RASGRF1: variants seen among roughly 807,000 people sequenced by gnomAD.
The protein encoded by RASGRF1 is ras-specific guanine nucleotide-releasing factor 1.
Under a neutral mutation model 138.7 loss-of-function variants are expected in RASGRF1, and 40 were observed. The observed-to-expected ratio is 0.29, with a 90% CI of 0.22 to 0.38. The LOEUF (loss-of-function observed/expected upper bound fraction) is 0.38. Ranked by LOEUF, RASGRF1 falls within the 10% of genes least tolerant of loss-of-function variation. RASGRF1 has a pLI of 1.00. For synonymous variants in RASGRF1, 614 were observed against 663.2 expected, an observed-to-expected ratio of 0.93 and a Z score of 1.14; for missense variants, 1,108 against 1,650.4, an observed-to-expected ratio of 0.67 and a Z score of 5.69.
Position 78,973,365 on chromosome 15 carries a change from T to C in RASGRF1, c.3550A>G (p.Ile1184Val). ...LGMYLTDLAFIEEGTPNYTED... is the reference protein window; with the variant it reads ...LGMYLTDLAFVEEGTPNYTED... ...GTGTAATTGGGCGTCCCCTCCTCGATGAAGGCCAGGTCGGTGAGGTACATC... is the reference window on the plus strand; with the variant it reads ...GTGTAATTGGGCGTCCCCTCCTCGACGAAGGCCAGGTCGGTGAGGTACATC... Residue 1184 changes from isoleucine (I) to valine (V), a missense_variant, in exon 25 of 27, where the codon ATC becomes GTC. Ile to Val is a conservative substitution (Grantham distance 29, BLOSUM62 3). Around this residue, in one of 3 missense-constraint regions of RASGRF1, gnomAD observed 686 missense variants for 976.7 expected, o/e 0.70. Transcript: ENST00000558480. The surrounding 1 kb of genome is among the most constrained non-coding windows in gnomAD (Gnocchi z 4.9). 1 of 1,613,946 alleles carries C rather than the reference T, an allele frequency of 6.2e-7. No individual in the cohort carries two copies. The highest frequency in any genetic ancestry group is 8.5e-7 in the Non-Finnish European group (1 of 1,179,910).
chr15:78,979,031 G>A (rs1342310722), intron 24 of RASGRF1: 1 of 1,293,210 alleles, frequency 7.7e-7, no homozygotes, highest in East Asian at 5.5e-5. Context: ...GGCGGCGGCA[G>A]ACGAGGAAGC....
intron 8 of RASGRF1, among the ~76,000 whole-genome samples, chr15:79,029,866 G>T (rs1434029283): frequency 6.6e-6 from 1 of 152,158 alleles, no homozygotes; most frequent in Non-Finnish European, 1.5e-5. Context: ...AAGGGATCAG[G>T]GTCTTATGTC....
At chr15:79,044,813 T>A (rs2057337579) in intron 5 of RASGRF1, among the ~76,000 whole-genome samples, 1 of 152,218 alleles carries the variant, frequency 6.6e-6, no homozygotes, top group Non-Finnish European at 1.5e-5. Context: ...TCCATTCAGT[T>A]CTTTGAAGAT....
At chr15:79,056,117 A>G (rs1348843452) in intron 3 of RASGRF1, among the ~76,000 whole-genome samples, 1 of 152,138 alleles carries the variant, frequency 6.6e-6, no homozygotes, top group East Asian at 1.9e-4. Context: ...ACCAGGTAGG[A>G]TGCGTGGGGA....
chr15:79,018,008 C>A (rs543542545), intron 11 of RASGRF1, 102 bp from the exon 12 acceptor site: 3 of 1,424,148 alleles, frequency 2.1e-6, no homozygotes, highest in African/African-American at 1.5e-5. Context: ...GGAGGCTCTG[C>A]GTTGGTAAGG....
At chr15:78,969,112 A>G (rs74024494) in intron 26 of RASGRF1, among the ~76,000 whole-genome samples, 3,298 of 152,316 alleles carry the variant, frequency 0.022, 113 homozygotes, top group African/African-American at 0.075. Context: ...GAATAAACCT[A>G]CTATTTTAAA....
At position 79,004,108 on chromosome 15, in the gene RASGRF1, G is replaced by A; in HGVS notation, c.2143C>T (p.Pro715Ser). The A allele has an allele frequency of 6.2e-7, 1 of 1,613,596 alleles. No individual in the cohort carries two copies. The highest frequency in any genetic ancestry group is 8.5e-7 in the Non-Finnish European group (1 of 1,179,880). Reference sequence around the variant, plus strand: ...GAGGAGAACTTGCGGGTGGCGCGCGGGGACTTGGGGGGTTCACCGTACAGG... The same window carrying A: ...GAGGAGAACTTGCGGGTGGCGCGCGAGGACTTGGGGGGTTCACCGTACAGG... Reference protein sequence around the residue: ...KLLYGEPPKSPRATRKFSSPP... With the variant: ...KLLYGEPPKSSRATRKFSSPP... Residue 715 changes from proline to serine, a missense_variant, in exon 15 of 27, where the codon CCG (proline) becomes TCG (serine). Pro to Ser is a moderately conservative substitution (Grantham distance 74, BLOSUM62 -1). Coordinates refer to ENST00000558480, the MANE Select transcript of RASGRF1 (RefSeq NM_001145648.3).
chr15:78,998,953 TAAC>T (rs2056455350), intron 17 of RASGRF1, 128 bp from the exon 18 acceptor site: 2 of 681,392 alleles, frequency 2.9e-6, no homozygotes, highest in East Asian at 5.6e-5. Flanking sequence ...GGCAGGGGGA[TAAC>T]AACATGTTTA....
intron 5 of RASGRF1, among the ~76,000 whole-genome samples, chr15:79,041,084 A>ATAGCT (rs1376990149): frequency 1.3e-5 from 2 of 152,380 alleles, no homozygotes; most frequent in East Asian, 3.9e-4. Context: ...TTGGCAAAGT[A>ATAGCT]CAGCTCATGG....
At chr15:78,984,038 C>T (rs1244738506) in intron 23 of RASGRF1, among the ~76,000 whole-genome samples, 6 of 151,970 alleles carry the variant, frequency 3.9e-5, no homozygotes, top group East Asian at 3.9e-4. Context: ...ATGGACATGT[C>T]GTCTGCTTGG....
chr15:79,049,741 G>C (rs993403236), intron 3 of RASGRF1, among the ~76,000 whole-genome samples, 153 bp from the exon 4 acceptor site: 1 of 152,124 alleles, frequency 6.6e-6, no homozygotes, highest in African/African-American at 2.4e-5. Flanking sequence ...TTCTGACTCT[G>C]TGCATCCAGG....
chr15:79,032,344 G>T lies in RASGRF1; in HGVS notation c.959-28C>A, dbSNP rs2057152589. 1 of 1,608,162 alleles carries T rather than the reference G, an allele frequency of 6.2e-7. No homozygotes were observed. On this transcript the variant is annotated intron_variant, in intron 6 of 26. Coordinates refer to ENST00000558480, the MANE Select transcript of RASGRF1 (RefSeq NM_001145648.3). The surrounding 1 kb of genome is among the most constrained non-coding windows in gnomAD (Gnocchi z 4.5). ...GGAAGGACGAGGCAGTCAGCGGGTG[G>T]CTAGGGCAGCTTGGTGGGGACAGAA...
intron 23 of RASGRF1, among the ~76,000 whole-genome samples, chr15:78,982,801 C>T (rs1036447285): frequency 7.2e-5 from 11 of 152,182 alleles, no homozygotes; most frequent in African/African-American, 1.9e-4. Context: ...TAAAGTACAG[C>T]GATCCCCAGG....
At chr15:79,085,038 T>C (rs1387970923) in intron 1 of RASGRF1, among the ~76,000 whole-genome samples, 1 of 152,182 alleles carries the variant, frequency 6.6e-6, no homozygotes, top group African/African-American at 2.4e-5. Flanking sequence ...CTCCTGCCTC[T>C]GCCTGCCTCC....
chr15:79,023,592 G>A (rs972845564), intron 10 of RASGRF1, among the ~76,000 whole-genome samples: 1 of 152,206 alleles, frequency 6.6e-6, no homozygotes, highest in Non-Finnish European at 1.5e-5. Flanking sequence ...GAGGCTGTGT[G>A]GCTGAACAGA....
At chr15:79,076,170 T>C (rs1360544228) in intron 1 of RASGRF1, among the ~76,000 whole-genome samples, 1 of 152,212 alleles carries the variant, frequency 6.6e-6, no homozygotes, top group Non-Finnish European at 1.5e-5. Context: ...AATGATGTTC[T>C]GATTATCTTT....
intron 2 of RASGRF1, among the ~76,000 whole-genome samples, chr15:79,062,128 A>G (rs145529396): frequency 6.6e-6 from 1 of 152,320 alleles, no homozygotes; most frequent in East Asian, 1.9e-4. Context: ...CATTACCTTT[A>G]TAAACTTTTT....
chr15:79,047,077 C>A, intron 4 of RASGRF1, 78 bp from the exon 5 acceptor site: 2 of 1,544,938 alleles, frequency 1.3e-6, no homozygotes, highest in Non-Finnish European at 8.8e-7. Context: ...TGTGAGCTCC[C>A]CAAGGGTAGG....
At chr15:79,039,930 A>T (rs1323470158) in intron 5 of RASGRF1, among the ~76,000 whole-genome samples, 1 of 151,872 alleles carries the variant, frequency 6.6e-6, no homozygotes, top group African/African-American at 2.4e-5. Flanking sequence ...CCACCATGAC[A>T]TTCTAATTTT....
Sources: gnomAD v4.1 joint callset for allele counts (sites outside exome capture counted in the v4.1 genomes callset) on GRCh38, gnomAD v4.1.1 for gene constraint, gnomAD v4.1.1 regional missense constraint, Gnocchi (gnomAD v3.1) non-coding constraint, MANE v1.5 for transcripts, NCBI Gene and HGNC (gene_info 2026-07-23, HGNC 2026-07-21) for gene names.